POU6F2: variants seen among roughly 807,000 people sequenced by gnomAD.
POU6F2 encodes the protein POU class 6 homeobox 2.
In POU6F2, 31 loss-of-function variants were observed where a neutral mutation model predicts 71.3. The observed-to-expected ratio is 0.43, with a 90% confidence interval of 0.33 to 0.59. POU6F2 has a LOEUF of 0.59. POU6F2 is among the 20% of genes least tolerant of loss of function. The pLI is 0.04. For missense variants in POU6F2, 783 were observed against 856.8 expected (o/e 0.91, Z 1.07); for synonymous variants, 347 against 355.7 (o/e 0.98, Z 0.27).
chr7:39,019,142 G>A (rs1789623435), intron 1 of POU6F2, among the ~76,000 whole-genome samples: 1 of 152,090 alleles, frequency 6.6e-6, no homozygotes, highest in Non-Finnish European at 1.5e-5. Context: ...AAAATCTGTA[G>A]ATGGTAAATT....
chr7:39,273,243 G>A (rs1583488960), intron 4 of POU6F2, among the ~76,000 whole-genome samples: 1 of 152,126 alleles, frequency 6.6e-6, no homozygotes, highest in South Asian at 2.1e-4. Context: ...TCTGTGACTT[G>A]CTTCCAAAGA....
intron 4 of POU6F2, among the ~76,000 whole-genome samples, chr7:39,298,755 C>G (rs1482178354): frequency 2.6e-5 from 4 of 152,136 alleles, no homozygotes; most frequent in African/African-American, 9.7e-5. Flanking sequence ...GGAACCAACC[C>G]AAATGCCCAT....
intron 5 of POU6F2, among the ~76,000 whole-genome samples, chr7:39,384,693 A>G (rs1786900283): frequency 6.6e-6 from 1 of 152,192 alleles, no homozygotes; most frequent in Non-Finnish European, 1.5e-5. Context: ...ACCTTCTCAG[A>G]GAGATCTCTC....
chr7:39,060,734 TG>T (rs1190065548), intron 1 of POU6F2, among the ~76,000 whole-genome samples: 1 of 152,212 alleles, frequency 6.6e-6, no homozygotes, highest in African/African-American at 2.4e-5. Flanking sequence ...AATAGAATGA[TG>T]GTTCTCAAAG....
intron 1 of POU6F2, among the ~76,000 whole-genome samples, chr7:38,986,003 G>C (rs1788454285): frequency 6.6e-6 from 1 of 151,962 alleles, no homozygotes; most frequent in African/African-American, 2.4e-5. Flanking sequence ...AAAGAATTTA[G>C]AGTAAAAATG....
At chr7:39,377,397 C>G (rs566776012) in intron 5 of POU6F2, among the ~76,000 whole-genome samples, 1 of 152,234 alleles carries the variant, frequency 6.6e-6, no homozygotes, top group African/African-American at 2.4e-5. Context: ...TCCCAAAGTG[C>G]CGGGATTACA....
At chr7:39,278,051 C>T (rs548984622) in intron 4 of POU6F2, among the ~76,000 whole-genome samples, 33 of 130,278 alleles carry the variant, frequency 2.5e-4, no homozygotes, top group Admixed American at 8.1e-4. Context: ...TCTAGCCTGG[C>T]GACAGAGTGA....
At chr7:39,140,756 G>T (rs1792480469) in intron 2 of POU6F2, among the ~76,000 whole-genome samples, 1 of 152,224 alleles carries the variant, frequency 6.6e-6, no homozygotes, top group Admixed American at 6.5e-5. Flanking sequence ...GGCCATCTCT[G>T]TGGGGCGCTA....
At chr7:39,068,808 T>G (rs1175305743) in intron 1 of POU6F2, among the ~76,000 whole-genome samples, 1 of 152,188 alleles carries the variant, frequency 6.6e-6, no homozygotes, top group Non-Finnish European at 1.5e-5. Context: ...TCTTCTTTTC[T>G]GATTCCTCAG....
At chr7:39,217,052 GA>G (rs1327217954) in intron 4 of POU6F2, among the ~76,000 whole-genome samples, 1 of 152,008 alleles carries the variant, frequency 6.6e-6, no homozygotes, top group Non-Finnish European at 1.5e-5. Flanking sequence ...GTTTTATTTT[GA>G]AATCCGAATA....
intron 2 of POU6F2, among the ~76,000 whole-genome samples, chr7:39,148,523 G>A (rs1030359318): frequency 1.8e-4 from 27 of 152,156 alleles, no homozygotes; most frequent in African/African-American, 6.5e-4. Context: ...TGATAATGAT[G>A]TTGATGATGA....
In POU6F2 at chr7:39,207,742, G is replaced by T. The variant is rs757962485; in HGVS notation, c.598+122G>T. ...GTTCAGAGTTGCTTCTGCCCTAAATGATATGGAAGGCTTCCACAGGAAGCA... is the reference window on the plus strand; with the variant it reads ...GTTCAGAGTTGCTTCTGCCCTAAATTATATGGAAGGCTTCCACAGGAAGCA... On this transcript the variant is annotated intron_variant, in intron 4 of 9. Transcript: ENST00000518318. 574 of 892,634 alleles carry T rather than the reference G, an allele frequency of 6.4e-4. 2 individuals carry two copies. The highest frequency in any genetic ancestry group is 6.3e-4 in the Non-Finnish European group (380 of 599,956). The allele number at this position is 892,634 out of a possible 1,614,324, so 55.3% of individuals were successfully genotyped here. A position where few individuals can be genotyped will look rare whatever the true frequency, so the allele number is the denominator to read the frequency against.
chr7:39,070,555 T>C (rs1269667631), intron 1 of POU6F2, among the ~76,000 whole-genome samples: 1 of 150,922 alleles, frequency 6.6e-6, no homozygotes. Flanking sequence ...GATCTGGCCA[T>C]GGGCCACTTC....
At chr7:39,367,610 G>A (rs1344861836) in intron 5 of POU6F2, among the ~76,000 whole-genome samples, 1 of 152,156 alleles carries the variant, frequency 6.6e-6, no homozygotes, top group Non-Finnish European at 1.5e-5. Flanking sequence ...TCTTGCCTGT[G>A]GTTTATATGG....
chr7:39,030,851 GC>G (rs763326679), intron 1 of POU6F2, among the ~76,000 whole-genome samples: 25 of 148,254 alleles, frequency 1.7e-4, no homozygotes, highest in Admixed American at 6.7e-4. Flanking sequence ...ATATCCTCCT[GC>G]CCCCCCCAAA....
At chr7:39,032,843 G>A (rs1374582360) in intron 1 of POU6F2, among the ~76,000 whole-genome samples, 3 of 152,198 alleles carry the variant, frequency 2.0e-5, no homozygotes, top group African/African-American at 7.2e-5. Flanking sequence ...CCTCCTGGGA[G>A]CAGTCGGTCC....
At chr7:39,056,662 C>CTGTGTGTGTG (rs749810621) in intron 1 of POU6F2, among the ~76,000 whole-genome samples, 159 of 113,404 alleles carry the variant, frequency 1.4e-3, no homozygotes, top group African/African-American at 1.8e-3. Context: ...CTCTCTCTCT[C>CTGTGTGTGTG]TGTGTGTGTG....
chr7:39,283,883 A>T (rs1784607728), intron 4 of POU6F2, among the ~76,000 whole-genome samples: 2 of 152,234 alleles, frequency 1.3e-5, no homozygotes, highest in South Asian at 2.1e-4. Context: ...TCAAAGTGTG[A>T]CACGTGCATT....
intron 7 of POU6F2, among the ~76,000 whole-genome samples, chr7:39,438,786 T>A (rs547373094): frequency 6.6e-6 from 1 of 152,344 alleles, no homozygotes; most frequent in Non-Finnish European, 1.5e-5. Flanking sequence ...ATTATGTGGT[T>A]GATTTTAGAA....
Sources: gnomAD v4.1 joint callset for allele counts (sites outside exome capture counted in the v4.1 genomes callset) on GRCh38, gnomAD v4.1.1 for gene constraint, MANE v1.5 for transcripts, NCBI Gene and HGNC (gene_info 2026-07-23, HGNC 2026-07-21) for gene names.